Variants in TK2 observed in about 807,000 individuals in gnomAD.
The protein encoded by TK2 is thymidine kinase 2.
In TK2, 35 loss-of-function variants were observed where a neutral mutation model predicts 41.9. The ratio of observed to expected loss-of-function variants is 0.84; its 90% CI spans 0.64 to 1.11. The LOEUF (loss-of-function observed/expected upper bound fraction) is 1.11, where lower values mean the gene tolerates loss of function less well. TK2 is among the 50% of genes least tolerant of loss of function. The pLI is 0.00. For synonymous variants in TK2, 128 were observed against 129.1 expected (o/e 0.99, Z 0.06); for missense variants, 320 against 351.1 (o/e 0.91, Z 0.71).
At position 66,517,728 on chromosome 16, in the gene TK2, G is replaced by T; in HGVS notation, c.538+61C>A. ...CCCCCAAGGGTTGGGGCCCAGCCAAGCACATCCTCAAGGGACCCAGGAGAG... is the reference window on the plus strand; with the variant it reads ...CCCCCAAGGGTTGGGGCCCAGCCAATCACATCCTCAAGGGACCCAGGAGAG... On this transcript the variant is annotated intron_variant, in intron 7 of 9. Transcript: ENST00000544898. The surrounding 1 kb of genome is among the most constrained non-coding windows in gnomAD (Gnocchi z 4.3). 1 of 1,537,924 alleles carries T rather than the reference G, an allele frequency of 6.5e-7. No homozygotes were observed. The highest frequency in any genetic ancestry group is 9.0e-7 in the Non-Finnish European group (1 of 1,110,462).
chr16:66,522,629 G>C (rs1964814155), intron 6 of TK2, among the ~76,000 whole-genome samples: 1 of 152,216 alleles, frequency 6.6e-6, no homozygotes, highest in Admixed American at 6.5e-5. Flanking sequence ...CACTTTGGCA[G>C]GCTGAGGCAG....
chr16:66,533,441 T>A (rs753562779), intron 4 of TK2, among the ~76,000 whole-genome samples: 37 of 151,750 alleles, frequency 2.4e-4, no homozygotes, highest in Admixed American at 9.8e-4. Context: ...TCCCAGCACT[T>A]TGGGAGCCCA....
At chr16:66,525,794 G>C (rs775476683) in intron 6 of TK2, among the ~76,000 whole-genome samples, 7 of 152,144 alleles carry the variant, frequency 4.6e-5, no homozygotes, top group Non-Finnish European at 1.5e-5. Context: ...AGAACAGAAA[G>C]GACACTGTAA....
At chr16:66,512,910 T>C (rs918437789) in intron 9 of TK2, among the ~76,000 whole-genome samples, 3 of 152,202 alleles carry the variant, frequency 2.0e-5, no homozygotes, top group Non-Finnish European at 2.9e-5. Context: ...CAAAAGCTCA[T>C]GCACAGCCCT....
chr16:66,519,974 G>C (rs937751888), intron 6 of TK2, among the ~76,000 whole-genome samples: 5 of 152,218 alleles, frequency 3.3e-5, no homozygotes, highest in Non-Finnish European at 7.3e-5. Flanking sequence ...GCAAGGCATG[G>C]CACCAACTGG....
rs1209591313 is a variant in TK2 at position 66,514,896 on chromosome 16, T to G, written c.619-1085A>C. 6.6e-6 allele frequency among the ~76,000 whole-genome samples: 1 copy of G among 152,218 alleles called. No homozygotes were observed. Among genetic ancestry groups the G allele is most frequent in the African/African-American group, 2.4e-5 (1 of 41,448 alleles). On this transcript the variant is annotated intron_variant, in intron 8 of 9. Transcript: ENST00000544898. This position sits in a 1 kb window ranked among gnomAD's most constrained non-coding sequence, Gnocchi z 4.2. The stretch of plus-strand genomic sequence containing the variant: ...ACCCCGTGCTCTCTGAAACGTGTGC[T>G]GTGTCCACTAAGGGTTAAATGGATT...
rs1012395794 is a variant in TK2, at chr16:66,509,417, T to G, written c.*2551A>C. Reference sequence around the variant, plus strand: ...AAGATAAATATATTTCTATCTAGTTTCCAAAAAAAACCAGGTACATAAGGT... The same window carrying G: ...AAGATAAATATATTTCTATCTAGTTGCCAAAAAAAACCAGGTACATAAGGT... On this transcript the variant is annotated 3_prime_UTR_variant, in exon 10 of 10. Transcript: ENST00000544898. 4 of 151,958 alleles carry G rather than the reference T, an allele frequency of 2.6e-5. No individual in the cohort carries two copies. The highest frequency in any genetic ancestry group is 9.7e-5 in the African/African-American group (4 of 41,358). The allele number at this position is 151,958 out of a possible 1,614,324, so 9.4% of individuals were successfully genotyped here.
intron 2 of TK2, among the ~76,000 whole-genome samples, chr16:66,545,362 G>A (rs1393865885): frequency 6.6e-6 from 1 of 152,130 alleles, no homozygotes. Context: ...CAAATATCCT[G>A]TCTTATCAAA....
intron 4 of TK2, among the ~76,000 whole-genome samples, chr16:66,535,621 C>T (rs1241776715): frequency 3.9e-5 from 6 of 152,148 alleles, no homozygotes; most frequent in African/African-American, 9.7e-5. Flanking sequence ...TATCACCACC[C>T]GCCAGATTAT....
intron 8 of TK2, 46 bp from the exon 9 acceptor site, chr16:66,513,857 C>A: frequency 1.9e-6 from 3 of 1,551,140 alleles, no homozygotes; most frequent in Non-Finnish European, 2.7e-6. Context: ...ACAGAGCAGA[C>A]CCCACCTACC....
At chr16:66,546,615 G>C (rs1329678543) in intron 2 of TK2, 1 of 146,824 alleles carries the variant, frequency 6.8e-6, no homozygotes, top group East Asian at 2.0e-4. Context: ...TGTTGGTTTT[G>C]TTATTTTTTT....
chr16:66,529,839 C>T (rs1001331177), intron 5 of TK2, among the ~76,000 whole-genome samples: 5 of 152,140 alleles, frequency 3.3e-5, no homozygotes, highest in Admixed American at 6.5e-5. Context: ...ATCCTCTGCC[C>T]ATCCATCTTC....
At chr16:66,512,914 C>A (rs1964494489) in intron 9 of TK2, among the ~76,000 whole-genome samples, 1 of 152,218 alleles carries the variant, frequency 6.6e-6, no homozygotes, top group African/African-American at 2.4e-5. Flanking sequence ...AGCTCATGCA[C>A]AGCCCTGCCT....
chr16:66,549,928 C>T lies in TK2; in HGVS notation c.124+10G>A, dbSNP rs1180988810. 2.2e-6 allele frequency: 3 copies of T among 1,353,268 alleles called. No homozygotes were observed. Among genetic ancestry groups the T allele is most frequent in the South Asian group, 4.0e-5 (2 of 50,174 alleles). The allele number at this position is 1,353,268 out of a possible 1,614,324, so 83.8% of individuals were successfully genotyped here. A position where few individuals can be genotyped will look rare whatever the true frequency, so the allele number is the denominator to read the frequency against. ...GGGCTCCTGGGAGGCGGGACCAAGACGCGCGTTACCGGGAGGCCAGGCCCG... is the reference window on the plus strand; with the variant it reads ...GGGCTCCTGGGAGGCGGGACCAAGATGCGCGTTACCGGGAGGCCAGGCCCG... On this transcript the variant is annotated intron_variant, in intron 1 of 9. Coordinates refer to ENST00000544898, the MANE Select transcript of TK2 (RefSeq NM_004614.5).
At chr16:66,547,182 A>G (rs1159883677) in intron 2 of TK2, among the ~76,000 whole-genome samples, 1 of 152,032 alleles carries the variant, frequency 6.6e-6, no homozygotes, top group Non-Finnish European at 1.5e-5. Context: ...CACTCTGGAC[A>G]TCTCTCCTCA....
At chr16:66,536,168 C>A (rs1965272454) in intron 4 of TK2, among the ~76,000 whole-genome samples, 1 of 148,610 alleles carries the variant, frequency 6.7e-6, no homozygotes, top group Admixed American at 6.8e-5. Flanking sequence ...CGCGCCACTG[C>A]ACTCCAGCCT....
At chr16:66,529,720 T>G (rs1965050068) in intron 5 of TK2, among the ~76,000 whole-genome samples, 1 of 152,208 alleles carries the variant, frequency 6.6e-6, no homozygotes, top group South Asian at 2.1e-4. Context: ...CTACTCTCAC[T>G]TGGCCATGGC....
chr16:66,531,910 G>A (rs1378346360), intron 4 of TK2, among the ~76,000 whole-genome samples: 1 of 152,062 alleles, frequency 6.6e-6, no homozygotes, highest in East Asian at 1.9e-4. Context: ...TGGGTACAAT[G>A]GGTACTCATG....
At chr16:66,547,864 G>T in intron 2 of TK2, 1 of 1,225,980 alleles carries the variant, frequency 8.2e-7, no homozygotes, top group Non-Finnish European at 1.0e-6. Context: ...ACTAGCTATT[G>T]TGTGTCTGGG....
Sources: allele counts gnomAD v4.1 joint callset (sites outside exome capture counted in the v4.1 genomes callset), GRCh38; gene constraint gnomAD v4.1.1; non-coding constraint Gnocchi (gnomAD v3.1); transcripts MANE v1.5; gene names NCBI Gene and HGNC (gene_info 2026-07-23, HGNC 2026-07-21).